The following ZFR variants were observed in gnomAD, a reference collection of about 807,000 sequenced individuals.
ZFR encodes the protein zinc finger RNA-binding protein.
A neutral mutation model predicts 130.7 loss-of-function variants in ZFR; 19 were observed. That is an observed-to-expected ratio of 0.15 (90% CI 0.10 to 0.21). The LOEUF (loss-of-function observed/expected upper bound fraction) is 0.21, where lower values mean the gene tolerates loss of function less well. Ranked by LOEUF, ZFR falls within the 10% of genes least tolerant of loss-of-function variation. The pLI is 1.00. For synonymous variants in ZFR, 466 were observed against 456.9 expected (o/e 1.02, Z -0.25); for missense variants, 872 against 1,321.5 (o/e 0.66, Z 5.27).
chr5:32,363,190 G>C (rs973222165), intron 19 of ZFR, among the ~76,000 whole-genome samples: 4 of 152,126 alleles, frequency 2.6e-5, no homozygotes, highest in Admixed American at 6.6e-5. Flanking sequence ...AAGCATCTTA[G>C]AGTGAATTAC....
intron 11 of ZFR, among the ~76,000 whole-genome samples, chr5:32,391,690 TATA>T: frequency 6.6e-6 from 1 of 152,080 alleles, no homozygotes; most frequent in Non-Finnish European, 1.5e-5. Context: ...TCTGTTAACA[TATA>T]AGAAAGAAGT....
intron 17 of ZFR, among the ~76,000 whole-genome samples, chr5:32,376,848 C>T (rs1367494204): frequency 6.6e-6 from 1 of 150,710 alleles, no homozygotes. Context: ...GCGTGGTGGC[C>T]CCTGCCTGTA....
intron 17 of ZFR, among the ~76,000 whole-genome samples, chr5:32,376,679 A>G (rs1752818832): frequency 6.6e-6 from 1 of 151,938 alleles, no homozygotes; most frequent in Non-Finnish European, 1.5e-5. Context: ...AAATGATAAA[A>G]AAAATTAATG....
intron 15 of ZFR, 145 bp downstream of exon 15, chr5:32,385,363 G>C (rs1328937754): frequency 1.2e-6 from 1 of 864,442 alleles, no homozygotes; most frequent in Non-Finnish European, 1.7e-6. Context: ...ATTATCTTAG[G>C]CAAAACCGGT....
chr5:32,402,447 G>C (rs1753471504), intron 8 of ZFR, among the ~76,000 whole-genome samples: 1 of 152,054 alleles, frequency 6.6e-6, no homozygotes, highest in Admixed American at 6.6e-5. Flanking sequence ...GCAGACTGAG[G>C]ATTGGGTAGG....
chr5:32,379,301 G>T, intron 16 of ZFR, 91 bp from the exon 17 acceptor site: 1 of 1,097,758 alleles, frequency 9.1e-7, no homozygotes. Flanking sequence ...ACCGTTCAAT[G>T]GAAGCTCAGA....
intron 17 of ZFR, among the ~76,000 whole-genome samples, chr5:32,367,878 C>A (rs1307302969): frequency 6.6e-6 from 1 of 152,122 alleles, no homozygotes; most frequent in Non-Finnish European, 1.5e-5. Flanking sequence ...GAAAAAAAAT[C>A]CCATAAATTT....
chr5:32,434,037 T>C (rs1161214521), intron 2 of ZFR, among the ~76,000 whole-genome samples: 1 of 152,230 alleles, frequency 6.6e-6, no homozygotes, highest in Admixed American at 6.5e-5. Context: ...GCCACTGCAC[T>C]CCAGCGTGGG....
intron 2 of ZFR, among the ~76,000 whole-genome samples, chr5:32,432,626 G>C (rs1013172798): frequency 6.6e-6 from 1 of 151,420 alleles, no homozygotes; most frequent in African/African-American, 2.4e-5. Flanking sequence ...CACAGCACCT[G>C]GCTATTCCTT....
At chr5:32,369,505 C>CAAAACAA (rs1320311982) in intron 17 of ZFR, among the ~76,000 whole-genome samples, 1 of 151,874 alleles carries the variant, frequency 6.6e-6, no homozygotes, top group Non-Finnish European at 1.5e-5. Context: ...CAAAACAAAA[C>CAAAACAA]AAAACAAAAC....
chr5:32,388,331 A>T, intron 13 of ZFR, 138 bp downstream of exon 13: 1 of 805,866 alleles, frequency 1.2e-6, no homozygotes, highest in East Asian at 2.7e-5. Flanking sequence ...TGCAGAATAC[A>T]TGAAATATCG....
intron 10 of ZFR, among the ~76,000 whole-genome samples, 196 bp downstream of exon 10, chr5:32,397,023 C>A (rs551186233): frequency 2.6e-5 from 4 of 152,156 alleles, no homozygotes; most frequent in Non-Finnish European, 5.9e-5. Flanking sequence ...GAATGTTATT[C>A]TTCTTTATTT....
At chr5:32,411,738 C>G (rs1451240626) in intron 5 of ZFR, among the ~76,000 whole-genome samples, 2 of 98,326 alleles carry the variant, frequency 2.0e-5, no homozygotes, top group Non-Finnish European at 4.1e-5. Flanking sequence ...AAATATAATA[C>G]AAAACTCAGT....
intron 2 of ZFR, among the ~76,000 whole-genome samples, chr5:32,431,742 A>C (rs1351527141): frequency 1.3e-5 from 2 of 150,822 alleles, no homozygotes; most frequent in African/African-American, 4.9e-5. Flanking sequence ...CTGACATTTA[A>C]ATGTCTTTAA....
At chr5:32,410,176 T>C (rs1302556153) in intron 5 of ZFR, among the ~76,000 whole-genome samples, 2 of 146,962 alleles carry the variant, frequency 1.4e-5, no homozygotes, top group Admixed American at 1.4e-4. Context: ...TGTGGTGGCA[T>C]GCACCGAGGC....
intron 2 of ZFR, among the ~76,000 whole-genome samples, chr5:32,428,563 A>C (rs991237672): frequency 2.0e-5 from 3 of 152,228 alleles, no homozygotes; most frequent in Non-Finnish European, 4.4e-5. Context: ...AGTGAAGAGG[A>C]AGACTCTGTC....
chr5:32,399,327 T>C (rs1250655901), intron 9 of ZFR, among the ~76,000 whole-genome samples: 1 of 151,596 alleles, frequency 6.6e-6, no homozygotes, highest in African/African-American at 2.4e-5. Flanking sequence ...TCCTAGATGC[T>C]AGACACCATG....
intron 17 of ZFR, among the ~76,000 whole-genome samples, chr5:32,374,494 C>T (rs998277436): frequency 1.3e-5 from 2 of 151,884 alleles, no homozygotes; most frequent in Non-Finnish European, 2.9e-5. Flanking sequence ...CAGAGCGAGA[C>T]TCCATTTCAA....
rs1481776271 is a variant in ZFR at position 32,444,703 on chromosome 5, C to T, written c.-45G>A. 12 of 1,500,984 alleles carry T rather than the reference C, an allele frequency of 8.0e-6. No homozygotes were observed. Among genetic ancestry groups the T allele is most frequent in the South Asian group, 1.3e-5 (1 of 78,602 alleles). The allele number at this position is 1,500,984 out of a possible 1,614,324, so 93.0% of individuals were successfully genotyped here. A position where few individuals can be genotyped will look rare whatever the true frequency, so the allele number is the denominator to read the frequency against. On this transcript the variant is annotated 5_prime_UTR_variant, in exon 1 of 20. Transcript: ENST00000265069. ...TGAACTCTGAACTCTCACCCGCTGC[C>T]TCCCTCCTCTGCCCCGCTCCTCCTC...
Sources: gnomAD v4.1 joint callset for allele counts (sites outside exome capture counted in the v4.1 genomes callset) on GRCh38, gnomAD v4.1.1 for gene constraint, MANE v1.5 for transcripts, NCBI Gene and HGNC (gene_info 2026-07-23, HGNC 2026-07-21) for gene names.